GABRA5: variants seen among roughly 807,000 people sequenced by gnomAD.
GABRA5 encodes gamma-aminobutyric acid receptor subunit alpha-5.
In GABRA5, 18 loss-of-function variants were observed where a neutral mutation model predicts 47.3. The observed-to-expected ratio is 0.38, with a 90% CI of 0.26 to 0.56. The LOEUF (loss-of-function observed/expected upper bound fraction) is 0.56. GABRA5 is among the 20% of genes least tolerant of loss of function. GABRA5 has a pLI of 0.71. For missense variants in GABRA5, 365 were observed against 599.3 expected, an observed-to-expected ratio of 0.61 and a Z score of 4.08; for synonymous variants, 237 against 229.3, an observed-to-expected ratio of 1.03 and a Z score of -0.30.
intron 7 of GABRA5, among the ~76,000 whole-genome samples, chr15:26,926,034 C>G: frequency 6.6e-6 from 1 of 152,198 alleles, no homozygotes; most frequent in East Asian, 1.9e-4. Flanking sequence ...GATTTTGCAC[C>G]TCACTCTCCA....
At chr15:26,909,464 A>G (rs1201964483) in intron 6 of GABRA5, among the ~76,000 whole-genome samples, 1 of 152,190 alleles carries the variant, frequency 6.6e-6, no homozygotes, top group East Asian at 1.9e-4. Context: ...GGAAATACAA[A>G]TTTTGGCTTA....
chr15:26,889,661 G>A (rs148184522), intron 6 of GABRA5, among the ~76,000 whole-genome samples: 150 of 152,322 alleles, frequency 9.8e-4, no homozygotes, highest in Non-Finnish European at 1.7e-3. Context: ...CAAGTTCAAA[G>A]TGTCAAGTTC....
chr15:26,938,950 C>T (rs971712060), intron 8 of GABRA5, among the ~76,000 whole-genome samples: 2 of 152,234 alleles, frequency 1.3e-5, no homozygotes, highest in Non-Finnish European at 2.9e-5. Context: ...ACTCTAATGT[C>T]CCAACACGCA....
intron 6 of GABRA5, among the ~76,000 whole-genome samples, chr15:26,895,637 C>T (rs953078714): frequency 1.3e-5 from 2 of 151,624 alleles, no homozygotes; most frequent in African/African-American, 4.8e-5. Context: ...AGGGTGAAAC[C>T]CCGTCTCTAC....
intron 8 of GABRA5, 136 bp downstream of exon 8, chr15:26,937,464 C>G (rs1894274252): frequency 1.1e-6 from 1 of 907,066 alleles, no homozygotes; most frequent in South Asian, 1.8e-5. Context: ...CCTGTCCTGG[C>G]CAGCTGTGCT....
chr15:26,886,348 A>T (rs1166668085), intron 6 of GABRA5, among the ~76,000 whole-genome samples: 1 of 152,158 alleles, frequency 6.6e-6, no homozygotes, highest in South Asian at 2.1e-4. Flanking sequence ...TCTAGAAGAC[A>T]ATGGGACACA....
chr15:26,942,624 C>T (rs1297515443), intron 9 of GABRA5, among the ~76,000 whole-genome samples: 4 of 152,318 alleles, frequency 2.6e-5, no homozygotes, highest in East Asian at 1.9e-4. Flanking sequence ...TCACTCTACA[C>T]GTCTTTGTTG....
At chr15:26,919,203 CT>C (rs377346807) in intron 7 of GABRA5, among the ~76,000 whole-genome samples, 5 of 152,226 alleles carry the variant, frequency 3.3e-5, no homozygotes, top group African/African-American at 1.2e-4. Context: ...TTCAAACTCT[CT>C]TGTGTCTTTT....
rs375435314 is a variant in GABRA5, at chr15:26,910,419, G to T, written c.498-4384G>T. Reference sequence around the variant, plus strand: ...GTTTGAGACCAGCCTAGTCAACATGGTGAAAGCCTGTCTCTACTAAAAATA... The same window carrying T: ...GTTTGAGACCAGCCTAGTCAACATGTTGAAAGCCTGTCTCTACTAAAAATA... On this transcript the variant is annotated intron_variant, in intron 6 of 10. Transcript: ENST00000335625. Among the ~76,000 whole-genome samples the T allele has an allele frequency of 6.0e-4, 92 of 152,172 alleles. 1 individual carries two copies. Among genetic ancestry groups the T allele is most frequent in the African/African-American group, 2.2e-3 (90 of 41,540 alleles).
intron 6 of GABRA5, among the ~76,000 whole-genome samples, chr15:26,910,006 A>G (rs1210124461): frequency 6.6e-6 from 1 of 152,234 alleles, no homozygotes; most frequent in Non-Finnish European, 1.5e-5. Context: ...TGAACTGGTA[A>G]TAGCCAAAGC....
intron 10 of GABRA5, among the ~76,000 whole-genome samples, chr15:26,947,298 T>C (rs1566890290): frequency 6.6e-6 from 1 of 152,144 alleles, no homozygotes; most frequent in Non-Finnish European, 1.5e-5. Context: ...GTTATACAGA[T>C]CATTTTGTCA....
At chr15:26,875,023 CTAA>C (rs2140246000) in intron 3 of GABRA5, among the ~76,000 whole-genome samples, 1 of 152,344 alleles carries the variant, frequency 6.6e-6, no homozygotes, top group Admixed American at 6.5e-5. Flanking sequence ...AACTCAGTTT[CTAA>C]TCTCAATGTG....
intron 6 of GABRA5, among the ~76,000 whole-genome samples, chr15:26,888,720 A>C (rs1892936659): frequency 6.6e-6 from 1 of 152,210 alleles, no homozygotes; most frequent in Non-Finnish European, 1.5e-5. Flanking sequence ...GATAATAACC[A>C]AGTGAATTGG....
At chr15:26,909,478 C>T (rs1256719417) in intron 6 of GABRA5, among the ~76,000 whole-genome samples, 1 of 152,190 alleles carries the variant, frequency 6.6e-6, no homozygotes, top group African/African-American at 2.4e-5. Context: ...TGGCTTAAAA[C>T]ACAACAAAGT....
At chr15:26,872,931 TCTC>T (rs1324890092) in intron 3 of GABRA5, among the ~76,000 whole-genome samples, 6 of 152,324 alleles carry the variant, frequency 3.9e-5, no homozygotes, top group South Asian at 2.1e-4. Context: ...TGAGTGTTCT[TCTC>T]CTTCTCTTGA....
Position 26,875,696 on chromosome 15 carries a change from G to A in GABRA5, c.87-5150G>A, listed in dbSNP as rs376075807. Among the ~76,000 whole-genome samples, 256 of 152,214 alleles carry A rather than the reference G, an allele frequency of 1.7e-3. No individual in the cohort carries two copies. The South Asian group carries it at 0.017, about 10-fold the overall frequency. On this transcript the variant is annotated intron_variant, in intron 3 of 10. Coordinates refer to ENST00000335625, the MANE Select transcript of GABRA5 (RefSeq NM_000810.4). The stretch of plus-strand genomic sequence containing the variant: ...GGGCAGGCGTGAGGAAGTGGGAGAC[G>A]GGGAGGGAGCGTCGTCAGGGAGGAA...
At chr15:26,894,324 A>C (rs9744804) in intron 6 of GABRA5, among the ~76,000 whole-genome samples, 129,350 of 152,162 alleles carry the variant, frequency 0.85, 55,305 homozygotes, top group Non-Finnish European at 0.9. Context: ...GTGTGCGTCC[A>C]GGGGCCACCC....
chr15:26,887,000 C>G (rs576983923), intron 6 of GABRA5, among the ~76,000 whole-genome samples: 185 of 152,268 alleles, frequency 1.2e-3, no homozygotes, highest in African/African-American at 4.3e-3. Context: ...CACCAAAGCA[C>G]GAATCACCCT....
chr15:26,880,943 A>G lies in GABRA5; in HGVS notation c.184A>G (p.Asn62Asp). 1.9e-6 allele frequency: 3 copies of G among 1,614,006 alleles called. No individual in the cohort carries two copies. Among genetic ancestry groups the G allele is most frequent in the Non-Finnish European group, 2.5e-6 (3 of 1,179,882 alleles). Residue 62 changes from asparagine to aspartate, a missense_variant, in exon 4 of 11, where the codon AAC becomes GAC. Transcript: ENST00000335625. ...ILDGLLDGYD[N>D]RLRPGLGERI... ...GGATGGGCTCTTGGATGGCTACGAC[A>G]ACAGACTTCGGCCCGGGCTGGGAGG...
Sources: gnomAD v4.1 joint callset for allele counts (sites outside exome capture counted in the v4.1 genomes callset) on GRCh38, gnomAD v4.1.1 for gene constraint, MANE v1.5 for transcripts, NCBI Gene and HGNC (gene_info 2026-07-23, HGNC 2026-07-21) for gene names.